Variants in CDK14 observed in about 807,000 individuals in gnomAD.
CDK14 encodes the protein cyclin-dependent kinase 14.
Under a neutral mutation model 60.7 loss-of-function variants are expected in CDK14, and 34 were observed. The observed-to-expected ratio is 0.56, with a 90% CI of 0.43 to 0.75. The LOEUF (loss-of-function observed/expected upper bound fraction) is 0.75, where lower values mean the gene tolerates loss of function less well. Among genes scored for constraint, CDK14 ranks in the 30% least tolerant of loss-of-function variants. CDK14 has a pLI of 0.00. For synonymous variants in CDK14, 197 were observed against 203.7 expected, an observed-to-expected ratio of 0.97 and a Z score of 0.28; for missense variants, 482 against 564.1, an observed-to-expected ratio of 0.85 and a Z score of 1.47.
intron 10 of CDK14, among the ~76,000 whole-genome samples, chr7:91,004,440 C>T (rs1272514742): frequency 6.6e-6 from 1 of 152,200 alleles, no homozygotes; most frequent in Non-Finnish European, 1.5e-5. Flanking sequence ...GTACAAGTAA[C>T]CAATCTACTG....
At chr7:90,954,135 A>C (rs1424791524) in intron 8 of CDK14, among the ~76,000 whole-genome samples, 1 of 152,144 alleles carries the variant, frequency 6.6e-6, no homozygotes, top group Non-Finnish European at 1.5e-5. Context: ...TTGCATTATT[A>C]TTAAAACTGA....
chr7:90,747,517 T>G (rs535670366), intron 3 of CDK14, among the ~76,000 whole-genome samples, 164 bp from the exon 4 acceptor site: 1 of 152,350 alleles, frequency 6.6e-6, no homozygotes, highest in East Asian at 1.9e-4. Context: ...TTTTTTAGTT[T>G]TGTATCCTGT....
intron 5 of CDK14, among the ~76,000 whole-genome samples, chr7:90,808,771 G>T (rs1289404927): frequency 6.6e-6 from 1 of 152,104 alleles, no homozygotes; most frequent in African/African-American, 2.4e-5. Flanking sequence ...GATGGAGGAA[G>T]ATCTACCAAG....
At chr7:91,114,139 T>C (rs1386230618) in intron 13 of CDK14, among the ~76,000 whole-genome samples, 4 of 152,230 alleles carry the variant, frequency 2.6e-5, no homozygotes, top group Non-Finnish European at 2.9e-5. Flanking sequence ...TCCCATTTAG[T>C]GTAACTTGTA....
chr7:91,065,007 T>C (rs1257201251), intron 11 of CDK14, among the ~76,000 whole-genome samples: 1 of 152,164 alleles, frequency 6.6e-6, no homozygotes, highest in Non-Finnish European at 1.5e-5. Context: ...GAACATGCAT[T>C]GACTAACCCC....
At chr7:90,952,189 C>T (rs1198048765) in intron 8 of CDK14, among the ~76,000 whole-genome samples, 1 of 152,048 alleles carries the variant, frequency 6.6e-6, no homozygotes, top group East Asian at 1.9e-4. Flanking sequence ...ATGATGAGGC[C>T]TGAAGAGTCT....
intron 12 of CDK14, among the ~76,000 whole-genome samples, chr7:91,083,215 T>G (rs1462567622): frequency 6.6e-6 from 1 of 152,160 alleles, no homozygotes; most frequent in Non-Finnish European, 1.5e-5. Flanking sequence ...TTCAAAGAAA[T>G]TATTCTATAC....
intron 4 of CDK14, among the ~76,000 whole-genome samples, chr7:90,763,066 A>C (rs1186706929): frequency 1.3e-5 from 2 of 152,188 alleles, no homozygotes; most frequent in Non-Finnish European, 2.9e-5. Flanking sequence ...GATTAAAGAG[A>C]GGCATTACAT....
chr7:90,846,248 A>G (rs1229656619), intron 5 of CDK14, among the ~76,000 whole-genome samples: 2 of 152,126 alleles, frequency 1.3e-5, no homozygotes, highest in African/African-American at 2.4e-5. Context: ...GACCTGTACT[A>G]TAAGGTTCCA....
intron 6 of CDK14, among the ~76,000 whole-genome samples, chr7:90,890,760 G>C (rs1455419875): frequency 6.6e-6 from 1 of 152,216 alleles, no homozygotes. Context: ...GTTATACCTA[G>C]AGGAAAATGG....
chr7:90,823,141 G>C (rs889257122), intron 5 of CDK14, among the ~76,000 whole-genome samples: 1 of 152,116 alleles, frequency 6.6e-6, no homozygotes, highest in Non-Finnish European at 1.5e-5. Flanking sequence ...GGAGGACTTG[G>C]AGGCTGTCAA....
chr7:90,853,029 T>C (rs1790701440), intron 5 of CDK14, among the ~76,000 whole-genome samples: 1 of 152,194 alleles, frequency 6.6e-6, no homozygotes, highest in East Asian at 1.9e-4. Flanking sequence ...CTGTATTCAT[T>C]TTTTATGGTC....
intron 11 of CDK14, among the ~76,000 whole-genome samples, chr7:91,062,496 G>T (rs1584278729): frequency 6.6e-6 from 1 of 151,984 alleles, no homozygotes; most frequent in African/African-American, 2.4e-5. Flanking sequence ...GTCGCTCACG[G>T]TGGGAGCTGT....
chr7:90,804,763 T>C (rs1013892172), intron 5 of CDK14, among the ~76,000 whole-genome samples: 3 of 152,124 alleles, frequency 2.0e-5, no homozygotes, highest in African/African-American at 7.2e-5. Flanking sequence ...TTGTAAAAAA[T>C]TTATATGACA....
chr7:91,048,638 A>C (rs780759963), intron 11 of CDK14, among the ~76,000 whole-genome samples: 9 of 152,196 alleles, frequency 5.9e-5, no homozygotes, highest in Non-Finnish European at 1.0e-4. Flanking sequence ...ATACAGGAGA[A>C]TACTTCTTCC....
intron 6 of CDK14, among the ~76,000 whole-genome samples, chr7:90,873,003 A>G (rs376888765): frequency 6.6e-6 from 1 of 152,234 alleles, no homozygotes; most frequent in African/African-American, 2.4e-5. Context: ...AGTAATAAAA[A>G]GATAATTCCT....
chr7:91,027,932 G>A (rs1223462642), intron 10 of CDK14, among the ~76,000 whole-genome samples: 2 of 49,888 alleles, frequency 4.0e-5, no homozygotes, highest in Non-Finnish European at 7.5e-5. Context: ...CCTCCCCTCC[G>A]CTCCCCTCCG....
intron 7 of CDK14, among the ~76,000 whole-genome samples, chr7:90,907,967 C>G (rs899328050): frequency 3.9e-5 from 6 of 152,064 alleles, no homozygotes; most frequent in African/African-American, 1.4e-4. Context: ...TCATTTAGCT[C>G]CTAATAATTT....
intron 14 of CDK14, among the ~76,000 whole-genome samples, chr7:91,187,905 G>C (rs1802240397): frequency 6.6e-6 from 1 of 152,166 alleles, no homozygotes; most frequent in African/African-American, 2.4e-5. Context: ...CTTACAGTAC[G>C]CACGGTTTAG....
Sources: allele counts gnomAD v4.1 joint callset (sites outside exome capture counted in the v4.1 genomes callset), GRCh38; gene constraint gnomAD v4.1.1; transcripts MANE v1.5; gene names NCBI Gene and HGNC (gene_info 2026-07-23, HGNC 2026-07-21).